ZNF239: variants seen among roughly 807,000 people sequenced by gnomAD.
The protein encoded by ZNF239 is zinc finger protein 239, also known as zinc finger protein (C2H2) homologous to mouse MOK-2.
In ZNF239, 16 loss-of-function variants were observed where a neutral mutation model predicts 27.5. That is an observed-to-expected ratio of 0.58 (90% CI 0.39 to 0.88). ZNF239 has a LOEUF of 0.88. ZNF239 is among the 40% of genes least tolerant of loss of function. ZNF239 has a pLI of 0.00. For synonymous variants in ZNF239, 199 were observed against 192.6 expected (o/e 1.03, Z -0.27); for missense variants, 527 against 551.9 (o/e 0.95, Z 0.45).
intron 3 of ZNF239, 87 bp from the exon 4 acceptor site, chr10:43,558,258 T>C: frequency 1.6e-6 from 2 of 1,267,112 alleles, no homozygotes; most frequent in Middle Eastern, 2.3e-4. Flanking sequence ...GAAGTCTTAG[T>C]AACTAGGAAA....
At chr10:43,572,872 CATGCT>C (rs1366648444) in intron 2 of ZNF239, among the ~76,000 whole-genome samples, 1 of 152,198 alleles carries the variant, frequency 6.6e-6, no homozygotes, top group Non-Finnish European at 1.5e-5. Flanking sequence ...AATATGTAGA[CATGCT>C]AGTGAAAGAG....
At chr10:43,558,704 C>T (rs1290453336) in intron 3 of ZNF239, among the ~76,000 whole-genome samples, 2 of 152,224 alleles carry the variant, frequency 1.3e-5, no homozygotes, top group Admixed American at 1.3e-4. Flanking sequence ...CCGCGTCAGC[C>T]TCCCAAAGTG....
At position 43,558,027 on chromosome 10, in the gene ZNF239, T is replaced by G; in HGVS notation, c.53A>C (p.Glu18Ala). 1.2e-6 allele frequency: 2 copies of G among 1,614,098 alleles called. No individual in the cohort carries two copies. The highest frequency in any genetic ancestry group is 1.7e-6 in the Non-Finnish European group (2 of 1,180,012). The change falls in exon 4 of 4, where the codon GAA (glutamate) becomes GCA (alanine). Residue 18 changes from glutamate (E) to alanine (A), a missense_variant. Transcript: ENST00000374446. ...ATCTAGTTCAGGCTCCCCATCCACTTCCCCTCGATGATTCACAATACAATC... is the reference window on the plus strand; with the variant it reads ...ATCTAGTTCAGGCTCCCCATCCACTGCCCCTCGATGATTCACAATACAATC... The part of the protein sequence containing the change: ...SQDCIVNHRG[E>A]VDGEPELDIS...
At chr10:43,570,626 C>T (rs1340515111) in intron 2 of ZNF239, 16 of 984,584 alleles carry the variant, frequency 1.6e-5, no homozygotes, top group Non-Finnish European at 1.8e-5. Context: ...TCTACCTCAA[C>T]AATATTCAAA....
chr10:43,570,439 T>C, intron 2 of ZNF239: 1 of 985,336 alleles, frequency 1.0e-6, no homozygotes, highest in Non-Finnish European at 1.2e-6. Context: ...CCAGACCTTC[T>C]CTTCAGACCA....
Position 43,557,699 on chromosome 10 carries a change from C to T in ZNF239, c.381G>A (p.Leu127=). The T allele has an allele frequency of 6.2e-7, 1 of 1,614,096 alleles. No homozygotes were observed. Among genetic ancestry groups the T allele is most frequent in the Non-Finnish European group, 8.5e-7 (1 of 1,180,038 alleles). The change falls in exon 4 of 4, where the codon CTG becomes CTA. Residue 127 remains leucine, a synonymous_variant. Transcript: ENST00000374446. The part of the protein sequence containing the change: ...QVKLVSDGQE[L]ASPLLNGEAT... ...CCTCACCATTTAACAATGGCGAGGC[C>T]AGTTCTTGTCCATCAGACACCAGTT...
chr10:43,556,739 G>A lies in ZNF239; in HGVS notation c.1341C>T (p.His447=). 6.2e-7 allele frequency: 1 copy of A among 1,614,046 alleles called. No individual in the cohort carries two copies. Among genetic ancestry groups the A allele is most frequent in the Non-Finnish European group, 8.5e-7 (1 of 1,179,938 alleles). ...GKGFSQSSNL[H]IHQRVHKKDP... is the part of the protein sequence containing the mutation. The stretch of plus-strand genomic sequence containing the variant: ...CTTTCTTGTGAACCCGCTGGTGGAT[G>A]TGAAGGTTGGAGCTCTGGCTGAAGC... Residue 447 remains histidine, a synonymous_variant, in exon 4 of 4, where the codon CAC becomes CAT. Transcript: ENST00000374446.
chr10:43,557,829 T>C lies in ZNF239; in HGVS notation c.251A>G (p.Asn84Ser). The change falls in exon 4 of 4, where the codon AAT becomes AGT. Residue 84 changes from asparagine to serine, a missense_variant. Transcript: ENST00000374446. ...GCTTTCCTGATGATCCTGAGGCTCA[T>C]TCTTACAGAACTTCACTGAAGAGTC... ...TQDSSVKFCK[N>S]EPQDHQESRR... 1 of 1,614,248 alleles carries C rather than the reference T, an allele frequency of 6.2e-7. No individual in the cohort carries two copies. Among genetic ancestry groups the C allele is most frequent in the Non-Finnish European group, 8.5e-7 (1 of 1,180,046 alleles).
rs993267745 is a variant in ZNF239, at chr10:43,557,935, T to G, written c.145A>C (p.Thr49Pro). The G allele has an allele frequency of 1.6e-5, 26 of 1,614,076 alleles. No homozygotes were observed. The highest frequency in any genetic ancestry group is 2.2e-5 in the Non-Finnish European group (26 of 1,180,014). Residue 49 changes from threonine to proline, a missense_variant, in exon 4 of 4, where the codon ACT becomes CCT. Coordinates refer to ENST00000374446, the MANE Select transcript of ZNF239 (RefSeq NM_001099282.2). The part of the protein sequence containing the change: ...PISRNRDSVM[T>P]LQSGCFENIE... Reference sequence around the variant, plus strand: ...TTTTCGAAACAACCACTTTGAAGAGTCATCACACTGTCCCTGTTTCTGGAA... The same window carrying G: ...TTTTCGAAACAACCACTTTGAAGAGGCATCACACTGTCCCTGTTTCTGGAA...
chr10:43,566,246 C>A (rs572470014), intron 3 of ZNF239, among the ~76,000 whole-genome samples: 1 of 151,142 alleles, frequency 6.6e-6, no homozygotes, highest in Admixed American at 6.6e-5. Flanking sequence ...CCACTGTGGA[C>A]TGAGGGAGGC....
rs138463868 is a variant in ZNF239 at position 43,566,930 on chromosome 10, C to T, written c.-93+969G>A. On this transcript the variant is annotated intron_variant, in intron 3 of 3. Coordinates refer to ENST00000374446, the MANE Select transcript of ZNF239 (RefSeq NM_001099282.2). Reference sequence around the variant, plus strand: ...TTTAAGGCTCCTTGATTCAGGTAGTCAAAAAGTGTTTTATCTGGCCGGGTG... The same window carrying T: ...TTTAAGGCTCCTTGATTCAGGTAGTTAAAAAGTGTTTTATCTGGCCGGGTG... Among the ~76,000 whole-genome samples, 669 of 152,108 alleles carry T rather than the reference C, an allele frequency of 4.4e-3. 4 individuals are homozygous for T. The highest frequency in any genetic ancestry group is 6.6e-3 in the Non-Finnish European group (451 of 67,982).
At chr10:43,571,650 C>A (rs972239034) in intron 2 of ZNF239, among the ~76,000 whole-genome samples, 2 of 152,092 alleles carry the variant, frequency 1.3e-5, no homozygotes, top group African/African-American at 4.8e-5. Context: ...CCTCCACCTC[C>A]CGGGTTCAAG....
chr10:43,570,777 T>C (rs1194496562), intron 2 of ZNF239: 1 of 930,496 alleles, frequency 1.1e-6, no homozygotes, highest in Admixed American at 6.2e-5. Context: ...TTCTTTGTAG[T>C]ACAATTTTTG....
intron 3 of ZNF239, chr10:43,564,198 T>C: frequency 1.5e-6 from 1 of 662,598 alleles, no homozygotes; most frequent in Non-Finnish European, 1.9e-6. Context: ...CTTCAGAGGC[T>C]CTCCGTAAGA....
At chr10:43,574,101 G>A (rs1213148583) in intron 1 of ZNF239, among the ~76,000 whole-genome samples, 1 of 152,212 alleles carries the variant, frequency 6.6e-6, no homozygotes, top group Admixed American at 6.5e-5. Context: ...TCTTTTCAGC[G>A]AAGGCAGTGC....
intron 3 of ZNF239, among the ~76,000 whole-genome samples, chr10:43,563,596 C>T (rs1837424477): frequency 6.6e-6 from 1 of 152,102 alleles, no homozygotes; most frequent in South Asian, 2.1e-4. Flanking sequence ...GTCTTACTTG[C>T]ATAAAAGAAA....
At chr10:43,572,502 C>T (rs889045267) in intron 2 of ZNF239, among the ~76,000 whole-genome samples, 4 of 152,116 alleles carry the variant, frequency 2.6e-5, no homozygotes, top group African/African-American at 9.7e-5. Context: ...ATATTTTATT[C>T]AAACAACTTC....
Position 43,557,418 on chromosome 10 carries a change from T to C in ZNF239, c.662A>G (p.Glu221Gly). 1 of 1,614,090 alleles carries C rather than the reference T, an allele frequency of 6.2e-7. No homozygotes were observed. Among genetic ancestry groups the C allele is most frequent in the Non-Finnish European group, 8.5e-7 (1 of 1,179,952 alleles). ...GTGGTCTCTCTGATGAAGTAGTAGC[T>C]CTGAGCTTTGACTGAAGTTCTTACC... ...QCGKNFSQSS[E>G]LLLHQRDHTE... is the part of the protein sequence containing the mutation. The change falls in exon 4 of 4, where the codon GAG becomes GGG. Residue 221 changes from glutamate to glycine, a missense_variant. Coordinates refer to ENST00000374446, the MANE Select transcript of ZNF239 (RefSeq NM_001099282.2).
At chr10:43,564,877 GAAC>G (rs1837522925) in intron 3 of ZNF239, among the ~76,000 whole-genome samples, 1 of 151,926 alleles carries the variant, frequency 6.6e-6, no homozygotes, top group Non-Finnish European at 1.5e-5. Context: ...TAGGAGACTG[GAAC>G]AACTTTAATA....
Sources: gnomAD v4.1 joint callset for allele counts (sites outside exome capture counted in the v4.1 genomes callset) on GRCh38, gnomAD v4.1.1 for gene constraint, MANE v1.5 for transcripts, NCBI Gene and HGNC (gene_info 2026-07-23, HGNC 2026-07-21) for gene names.